The following PDS5A variants were observed in gnomAD, a reference collection of about 807,000 sequenced individuals.
The protein encoded by PDS5A is PDS5 cohesin associated factor A.
Under a neutral mutation model 167.1 loss-of-function variants are expected in PDS5A, and 42 were observed. The ratio of observed to expected loss-of-function variants is 0.25; its 90% CI spans 0.20 to 0.33. The LOEUF (loss-of-function observed/expected upper bound fraction) is 0.33, where lower values mean the gene tolerates loss of function less well. Among genes scored for constraint, PDS5A ranks in the 10% least tolerant of loss-of-function variants. The pLI is 1.00. For missense variants in PDS5A, 1,033 were observed against 1,605.9 expected (o/e 0.64, Z 6.10); for synonymous variants, 553 against 554.6 (o/e 1.00, Z 0.04).
rs1370880859 is a variant in PDS5A at position 39,823,835 on chromosome 4, C to T, written c.*1650G>A. 1 of 152,558 alleles carries T rather than the reference C, an allele frequency of 6.6e-6. No individual in the cohort carries two copies. Among genetic ancestry groups the T allele is most frequent in the African/African-American group, 2.4e-5 (1 of 41,434 alleles). The allele number at this position is 152,558 out of a possible 1,614,324, so 9.5% of individuals were successfully genotyped here. A position where few individuals can be genotyped will look rare whatever the true frequency, so the allele number is the denominator to read the frequency against. On this transcript the variant is annotated 3_prime_UTR_variant, in exon 33 of 33. Coordinates refer to ENST00000303538, the MANE Select transcript of PDS5A (RefSeq NM_001100399.2). ...TAAATGCATATTTAAAATAATTACCCATCTTTCAGTCAATACACAGCCAAC... is the reference window on the plus strand; with the variant it reads ...TAAATGCATATTTAAAATAATTACCTATCTTTCAGTCAATACACAGCCAAC...
intron 17 of PDS5A, among the ~76,000 whole-genome samples, chr4:39,886,705 C>T (rs544417473): frequency 1.2e-3 from 186 of 151,158 alleles, no homozygotes; most frequent in Admixed American, 1.9e-3. Flanking sequence ...AAGAGTGAAA[C>T]ACCATCTCAA....
intron 32 of PDS5A, among the ~76,000 whole-genome samples, chr4:39,825,745 C>T (rs1488144888): frequency 1.3e-5 from 2 of 151,960 alleles, no homozygotes; most frequent in Non-Finnish European, 2.9e-5. Context: ...GAACTATAGG[C>T]GCACACCACC....
In PDS5A at chr4:39,860,813, T is replaced by C. The variant is rs374931990; in HGVS notation, c.3086+1406A>G. Among the ~76,000 whole-genome samples, 11 of 152,252 alleles carry C rather than the reference T, an allele frequency of 7.2e-5. No homozygotes were observed. The East Asian group carries it at 1.7e-3, about 24-fold the overall frequency. On this transcript the variant is annotated intron_variant, in intron 26 of 32. Transcript: ENST00000303538. ...GGCCAGGCACAGTGGCTCACGCCTG[T>C]AATCCTAGCACTTCAGGAAGCTGAG...
intron 21 of PDS5A, 69 bp downstream of exon 21, chr4:39,872,915 AGT>A: frequency 1.4e-6 from 1 of 716,974 alleles, no homozygotes; most frequent in South Asian, 4.2e-5. Flanking sequence ...CAGAAACAGA[AGT>A]GTTTCTGTGA....
At chr4:39,905,832 A>C (rs930383874) in intron 11 of PDS5A, among the ~76,000 whole-genome samples, 2 of 151,522 alleles carry the variant, frequency 1.3e-5, no homozygotes, top group Admixed American at 1.3e-4. Context: ...GAAGAAAGCA[A>C]GGAAGAAGAA....
In PDS5A at chr4:39,844,663, G is replaced by T. The variant is rs1717420996; in HGVS notation, c.3541C>A (p.Arg1181=). ...ATTGGAGAGAAAAGTTGCCTTGATC[G>T]ATTTCCGGTTGAAGGGTTCAGCTCT... is the stretch of plus-strand genomic sequence containing the variant. ...NSELNPSTGN[R]SREQSSEAAE... The change falls in exon 30 of 33, where the codon CGA becomes AGA. Residue 1181 remains arginine (R), a synonymous_variant. Transcript: ENST00000303538. 1 of 1,604,354 alleles carries T rather than the reference G, an allele frequency of 6.2e-7. No homozygotes were observed.
chr4:39,960,212 T>C (rs2109805278), intron 2 of PDS5A, among the ~76,000 whole-genome samples: 1 of 152,272 alleles, frequency 6.6e-6, no homozygotes, highest in South Asian at 2.1e-4. Flanking sequence ...AAGGTTGCAG[T>C]GAGCCGAAAT....
At chr4:39,889,378 T>G (rs1434856767) in intron 17 of PDS5A, among the ~76,000 whole-genome samples, 1 of 152,274 alleles carries the variant, frequency 6.6e-6, no homozygotes, top group Non-Finnish European at 1.5e-5. Flanking sequence ...CTGGGGTATT[T>G]TGTTATGAAA....
intron 8 of PDS5A, among the ~76,000 whole-genome samples, chr4:39,915,708 T>C (rs992229817): frequency 6.6e-6 from 1 of 152,144 alleles, no homozygotes; most frequent in Non-Finnish European, 1.5e-5. Flanking sequence ...ATGACAATAA[T>C]GCAGAGTAGC....
chr4:39,857,500 T>A (rs1560431437), intron 26 of PDS5A, among the ~76,000 whole-genome samples: 1 of 152,014 alleles, frequency 6.6e-6, no homozygotes, highest in African/African-American at 2.4e-5. Context: ...GCAGAAAATA[T>A]ACAGCTATTT....
chr4:39,831,630 C>A (rs1715880426), intron 32 of PDS5A, among the ~76,000 whole-genome samples: 1 of 151,508 alleles, frequency 6.6e-6, no homozygotes, highest in Non-Finnish European at 1.5e-5. Context: ...GCAATCCCAG[C>A]ACTTTGGGAG....
chr4:39,930,246 A>AAAAAAAAAAAAAAAAAAAGTTTTTT, intron 2 of PDS5A, among the ~76,000 whole-genome samples: 3 of 93,076 alleles, frequency 3.2e-5, no homozygotes, highest in Non-Finnish European at 6.7e-5. Context: ...AAAAAAAAAA[A>AAAAAAAAAAAAAAAAAAAGTTTTTT]GTTTTTTTGT....
Position 39,962,555 on chromosome 4 carries a change from T to C in PDS5A, c.138+13885A>G, listed in dbSNP as rs186425548. ...GCGCAGTGGATCATGCCTGTAAACCTAGCACTTTGGGAGGCCGAGGCGAGC... is the reference window on the plus strand; with the variant it reads ...GCGCAGTGGATCATGCCTGTAAACCCAGCACTTTGGGAGGCCGAGGCGAGC... On this transcript the variant is annotated intron_variant, in intron 2 of 32. Coordinates refer to ENST00000303538, the MANE Select transcript of PDS5A (RefSeq NM_001100399.2). Among the ~76,000 whole-genome samples the C allele has an allele frequency of 6.0e-4, 91 of 151,908 alleles. No homozygotes were observed. The East Asian group carries it at 0.015, about 25-fold the overall frequency.
chr4:39,882,531 T>C (rs1721048686), intron 17 of PDS5A, among the ~76,000 whole-genome samples: 1 of 152,206 alleles, frequency 6.6e-6, no homozygotes, highest in African/African-American at 2.4e-5. Flanking sequence ...TTTAACAAAA[T>C]TACAAGTGTG....
intron 2 of PDS5A, among the ~76,000 whole-genome samples, chr4:39,959,278 A>G (rs978229611): frequency 1.3e-5 from 2 of 152,224 alleles, no homozygotes; most frequent in African/African-American, 4.8e-5. Flanking sequence ...CTTTAGTAGG[A>G]AGTGTTAAAT....
chr4:39,895,063 T>C (rs1456115988), intron 16 of PDS5A, among the ~76,000 whole-genome samples: 1 of 151,792 alleles, frequency 6.6e-6, no homozygotes, highest in African/African-American at 2.4e-5. Flanking sequence ...GCGTCTCTAC[T>C]AAAAATACAA....
At chr4:39,896,903 C>CTT (rs35055129) in intron 16 of PDS5A, among the ~76,000 whole-genome samples, 18 of 145,180 alleles carry the variant, frequency 1.2e-4, no homozygotes, top group South Asian at 2.2e-4. Context: ...CCGTTATAAT[C>CTT]TTTTTTTTTT....
chr4:39,842,293 G>T (rs1717100759), intron 30 of PDS5A, among the ~76,000 whole-genome samples: 1 of 152,194 alleles, frequency 6.6e-6, no homozygotes, highest in African/African-American at 2.4e-5. Context: ...AGACAGAAAT[G>T]ACTGCCTAAG....
chr4:39,830,961 C>A (rs962992113), intron 32 of PDS5A, among the ~76,000 whole-genome samples: 1 of 152,222 alleles, frequency 6.6e-6, no homozygotes, highest in Non-Finnish European at 1.5e-5. Flanking sequence ...TTCTGCCGGG[C>A]GCAATGGCTC....
Sources: gnomAD v4.1 joint callset for allele counts (sites outside exome capture counted in the v4.1 genomes callset) on GRCh38, gnomAD v4.1.1 for gene constraint, MANE v1.5 for transcripts, NCBI Gene and HGNC (gene_info 2026-07-23, HGNC 2026-07-21) for gene names.